Variants in COL5A1 observed in about 807,000 individuals in gnomAD.
COL5A1 encodes collagen type V alpha 1 chain.
COL5A1 carries 16 observed loss-of-function variants against 263.7 expected under a neutral mutation model. That is an observed-to-expected ratio of 0.06 (90% CI 0.04 to 0.09). The LOEUF is 0.09. COL5A1 is among the 10% of genes least tolerant of loss of function. The pLI is 1.00. For synonymous variants in COL5A1, 1,012 were observed against 1,004.5 expected (o/e 1.01, Z -0.14); for missense variants, 2,036 against 2,540.5 (o/e 0.80, Z 4.27).
intron 8 of COL5A1, 74 bp downstream of exon 8, chr9:134,731,737 A>G (rs1834890008): frequency 6.6e-7 from 1 of 1,513,066 alleles, no homozygotes; most frequent in African/African-American, 1.4e-5. Flanking sequence ...CCTGCCCAAG[A>G]GCCTCCTCAG....
intron 57 of COL5A1, 36 bp from the exon 58 acceptor site, chr9:134,820,080 C>T (rs547460305): frequency 6.5e-7 from 1 of 1,541,142 alleles, no homozygotes; most frequent in Non-Finnish European, 9.0e-7. Flanking sequence ...GGCGTGGCTC[C>T]CTCAAATGCC....
chr9:134,760,829 CAT>C (rs1281867051), intron 18 of COL5A1, among the ~76,000 whole-genome samples: 1 of 148,822 alleles, frequency 6.7e-6, no homozygotes, highest in Non-Finnish European at 1.5e-5. Context: ...TGCATACACA[CAT>C]GCACACATGC....
rs1315080321 is a variant in COL5A1, at chr9:134,806,226, G to C, written c.3296G>C (p.Gly1099Ala). 6.4e-7 allele frequency: 1 copy of C among 1,550,622 alleles called. No individual in the cohort carries two copies. The highest frequency in any genetic ancestry group is 2.0e-5 in the Admixed American group (1 of 50,998). The change falls in exon 42 of 66, where the codon GGG (glycine) becomes GCG (alanine). Residue 1099 changes from glycine to alanine, a missense_variant. Gly to Ala is a moderately conservative substitution (Grantham distance 60). Transcript: ENST00000371817. ...GAGAGAGGTCCAGCTGGAGCCGCTG[G>C]GCCCATCGGAATTCCAGGGAGACCT... Reference protein sequence around the residue: ...PGERGPAGAAGPIGIPGRPGP... With the variant: ...PGERGPAGAAAPIGIPGRPGP...
rs769740900 is a variant in COL5A1 at position 134,842,145 on chromosome 9, C to T, written c.5371-12C>T. 4 of 1,614,132 alleles carry T rather than the reference C, an allele frequency of 2.5e-6. No individual in the cohort carries two copies. Among genetic ancestry groups the T allele is most frequent in the South Asian group, 1.1e-5 (1 of 91,078 alleles). On this transcript the variant is annotated splice_polypyrimidine_tract_variant and intron_variant, in intron 65 of 65. Coordinates refer to ENST00000371817, the MANE Select transcript of COL5A1 (RefSeq NM_000093.5). This position sits in a 1 kb window ranked among gnomAD's most constrained non-coding sequence, Gnocchi z 5.8. ...TTCTTAACCACCGGCCATCTGTCTC[C>T]CTCTTCCCCAGACCAAGAAAGGCTA... is the stretch of plus-strand genomic sequence containing the variant.
intron 2 of COL5A1, 94 bp from the exon 3 acceptor site, chr9:134,699,815 C>G (rs1833604914): frequency 5.6e-6 from 7 of 1,256,168 alleles, no homozygotes; most frequent in Non-Finnish European, 8.1e-6. Flanking sequence ...CACAGCTTCC[C>G]AGGGTCCCGG....
At chr9:134,814,085 T>C (rs1273130946) in intron 49 of COL5A1, 49 bp downstream of exon 49, 1 of 1,535,168 alleles carries the variant, frequency 6.5e-7, no homozygotes, top group Non-Finnish European at 8.8e-7. Context: ...CGAGCGGGTG[T>C]GTGGACGGGG....
At chr9:134,744,876 C>T (rs34689527) in intron 11 of COL5A1, among the ~76,000 whole-genome samples, 1 of 151,226 alleles carries the variant, frequency 6.6e-6, no homozygotes, top group East Asian at 1.9e-4. Flanking sequence ...CACATGCACT[C>T]ACACACCTGC....
intron 63 of COL5A1, among the ~76,000 whole-genome samples, chr9:134,827,999 C>G (rs1318217360): frequency 6.6e-6 from 1 of 152,194 alleles, no homozygotes; most frequent in African/African-American, 2.4e-5. Flanking sequence ...AAGGCCAGCT[C>G]AAGAAGAAGG....
At position 134,681,215 on chromosome 9, in the gene COL5A1, G is replaced by A. The variant is rs556697326; in HGVS notation, c.110-9697G>A. The stretch of plus-strand genomic sequence containing the variant: ...TGGGCCAGACCCTCCCTGGTGGCTC[G>A]ATGGCTCGGCCCTCAGCCCGGCCCT... On this transcript the variant is annotated intron_variant, in intron 1 of 65. Coordinates refer to ENST00000371817, the MANE Select transcript of COL5A1 (RefSeq NM_000093.5). The surrounding 1 kb of genome is among the most constrained non-coding windows in gnomAD (Gnocchi z 4.3). Among the ~76,000 whole-genome samples the A allele has an allele frequency of 1.8e-4, 27 of 152,320 alleles. No individual in the cohort carries two copies. The highest frequency in any genetic ancestry group is 6.3e-4 in the African/African-American group (26 of 41,568).
In COL5A1 at chr9:134,736,694, C is replaced by T. The variant is rs541049455; in HGVS notation, c.1390-1780C>T. ...AAAAGTTCGAAGTCCAGAGTCTCACCCAAATCAGGTACTGATGAGACTTAG... is the reference window on the plus strand; with the variant it reads ...AAAAGTTCGAAGTCCAGAGTCTCACTCAAATCAGGTACTGATGAGACTTAG... On this transcript the variant is annotated intron_variant, in intron 9 of 65. Coordinates refer to ENST00000371817, the MANE Select transcript of COL5A1 (RefSeq NM_000093.5). Among the ~76,000 whole-genome samples, 61 of 152,322 alleles carry T rather than the reference C, an allele frequency of 4.0e-4. 1 individual carries two copies. Among genetic ancestry groups the T allele is most frequent in the African/African-American group, 1.4e-3 (58 of 41,576 alleles).
chr9:134,786,111 A>G, intron 31 of COL5A1, 63 bp downstream of exon 31: 2 of 1,439,178 alleles, frequency 1.4e-6, no homozygotes, highest in East Asian at 2.4e-5. Flanking sequence ...CGGTCTCCCC[A>G]CCCTGCATCC....
At chr9:134,771,297 C>A (rs370355680) in intron 25 of COL5A1, among the ~76,000 whole-genome samples, 46 of 152,378 alleles carry the variant, frequency 3.0e-4, no homozygotes, top group African/African-American at 1.1e-3. Flanking sequence ...AAGAACCCCT[C>A]CTGGCCACCC....
chr9:134,786,098 G>A, intron 31 of COL5A1, 50 bp downstream of exon 31: 2 of 1,516,104 alleles, frequency 1.3e-6, no homozygotes, highest in Non-Finnish European at 1.8e-6. Flanking sequence ...GGGATGTTCT[G>A]CCCGGTCTCC....
Position 134,818,769 on chromosome 9 carries a change from T to C in COL5A1, c.4338+6T>C. The stretch of plus-strand genomic sequence containing the variant: ...GAGGGATCCCTGGCCCTGTGGTGAG[T>C]AGGCTGTGAGGGGCAGAGGGGTTGC... On this transcript the variant is annotated splice_donor_region_variant and intron_variant, in intron 55 of 65. Coordinates refer to ENST00000371817, the MANE Select transcript of COL5A1 (RefSeq NM_000093.5). The surrounding 1 kb of genome is among the most constrained non-coding windows in gnomAD (Gnocchi z 6.0). The C allele has an allele frequency of 6.2e-7, 1 of 1,611,796 alleles. No homozygotes were observed. Among genetic ancestry groups the C allele is most frequent in the South Asian group, 1.1e-5 (1 of 90,984 alleles).
rs1438894117 is a variant in COL5A1, at chr9:134,810,377, G to A, written c.3528+69G>A. On this transcript the variant is annotated intron_variant, in intron 44 of 65. Transcript: ENST00000371817. ...GGGGCCTCGTCGCAGGCTGTAGGCC[G>A]TGTGCCATGCACGTTCTCTTCCAAC... is the stretch of plus-strand genomic sequence containing the variant. 34 of 1,459,328 alleles carry A rather than the reference G, an allele frequency of 2.3e-5. 1 individual carries two copies. The highest frequency in any genetic ancestry group is 2.2e-4 in the South Asian group (19 of 87,120). 90.4% of individuals were successfully genotyped at this position (1,459,328 alleles called of 1,614,324 possible).
intron 1 of COL5A1, chr9:134,649,708 A>C (rs1831604345): frequency 1.4e-5 from 5 of 350,076 alleles, no homozygotes; most frequent in Non-Finnish European, 1.1e-5. Flanking sequence ...ATTATAAATC[A>C]TCCTACTATA....
chr9:134,831,779 C>T (rs1195867840), intron 64 of COL5A1, among the ~76,000 whole-genome samples: 1 of 152,172 alleles, frequency 6.6e-6, no homozygotes, highest in Non-Finnish European at 1.5e-5. Flanking sequence ...GCTGTGAAAC[C>T]TCATTTGCAG....
chr9:134,814,181 T>C, intron 49 of COL5A1, 145 bp downstream of exon 49: 3 of 822,264 alleles, frequency 3.6e-6, no homozygotes, highest in Non-Finnish European at 3.9e-6. Flanking sequence ...TTTCATGGAA[T>C]GACCGTGAAC....
chr9:134,788,500 A>G, intron 31 of COL5A1, among the ~76,000 whole-genome samples: 1 of 130,858 alleles, frequency 7.6e-6, no homozygotes, highest in African/African-American at 2.9e-5. Flanking sequence ...GGGTGAATGG[A>G]TGGGTGGGCA....
Sources: gnomAD v4.1 joint callset for allele counts (sites outside exome capture counted in the v4.1 genomes callset) on GRCh38, gnomAD v4.1.1 for gene constraint, Gnocchi (gnomAD v3.1) non-coding constraint, MANE v1.5 for transcripts, NCBI Gene and HGNC (gene_info 2026-07-23, HGNC 2026-07-21) for gene names.